The following EPHB1 variants were observed in gnomAD, a reference collection of about 807,000 sequenced individuals.
EPHB1 encodes ephrin type-B receptor 1.
Under a neutral mutation model 94.4 loss-of-function variants are expected in EPHB1, and 30 were observed. The ratio of observed to expected loss-of-function variants is 0.32; its 90% CI spans 0.24 to 0.43. The LOEUF is 0.43. Among genes scored for constraint, EPHB1 ranks in the 20% least tolerant of loss-of-function variants. The pLI, the probability that EPHB1 is intolerant of heterozygous loss-of-function variation, is 1.00. For synonymous variants in EPHB1, 522 were observed against 489.1 expected (o/e 1.07, Z -0.89); for missense variants, 1,055 against 1,308.3 (o/e 0.81, Z 2.99).
chr3:135,205,716 CT>C (rs980760817), intron 12 of EPHB1, among the ~76,000 whole-genome samples: 1 of 152,136 alleles, frequency 6.6e-6, no homozygotes, highest in Non-Finnish European at 1.5e-5. Context: ...GGTACATTTG[CT>C]TTATCATGTA....
chr3:134,885,638 G>C (rs534210039), intron 1 of EPHB1, among the ~76,000 whole-genome samples: 3 of 152,322 alleles, frequency 2.0e-5, no homozygotes, highest in African/African-American at 7.2e-5. Flanking sequence ...GAGTTTTGTG[G>C]AACATAATTG....
intron 2 of EPHB1, among the ~76,000 whole-genome samples, chr3:134,934,566 G>A (rs1407165186): frequency 2.6e-5 from 4 of 152,292 alleles, no homozygotes; most frequent in African/African-American, 9.6e-5. Flanking sequence ...GTTTTTATGG[G>A]CATGTGTATG....
chr3:135,187,934 C>T (rs1375447589), intron 10 of EPHB1, among the ~76,000 whole-genome samples: 1 of 152,194 alleles, frequency 6.6e-6, no homozygotes, highest in Non-Finnish European at 1.5e-5. Context: ...CATGGTGGCT[C>T]ATGCCTGTAA....
intron 3 of EPHB1, among the ~76,000 whole-genome samples, chr3:134,999,887 T>C (rs1163534327): frequency 1.3e-5 from 2 of 152,226 alleles, no homozygotes; most frequent in Non-Finnish European, 2.9e-5. Flanking sequence ...AGGATCTCCC[T>C]TGGACCAAGG....
chr3:135,004,026 G>A lies in EPHB1; in HGVS notation c.805+51974G>A, dbSNP rs570314939. Among the ~76,000 whole-genome samples the A allele has an allele frequency of 5.0e-4, 75 of 151,432 alleles. 1 individual carries two copies. Among genetic ancestry groups the A allele is most frequent in the Admixed American group, 2.3e-3 (35 of 15,204 alleles). The stretch of plus-strand genomic sequence containing the variant: ...ATGATGTTAGCTGGTTATTTTGCTT[G>A]TTAGTTGATGTAGTTTCTTCCTAGT... On this transcript the variant is annotated intron_variant, in intron 3 of 15. Transcript: ENST00000398015.
intron 3 of EPHB1, among the ~76,000 whole-genome samples, chr3:134,980,731 A>T (rs1267372002): frequency 1.3e-5 from 2 of 152,152 alleles, no homozygotes; most frequent in Non-Finnish European, 2.9e-5. Flanking sequence ...GCTGAGGATA[A>T]ATACTCAAGG....
intron 1 of EPHB1, among the ~76,000 whole-genome samples, chr3:134,859,242 C>T (rs1392875084): frequency 6.6e-6 from 1 of 152,148 alleles, no homozygotes; most frequent in Non-Finnish European, 1.5e-5. Context: ...AATTGCACCT[C>T]CTTCGATCTC....
chr3:134,897,565 C>T (rs2038112390), intron 1 of EPHB1, among the ~76,000 whole-genome samples: 1 of 152,218 alleles, frequency 6.6e-6, no homozygotes, highest in African/African-American at 2.4e-5. Flanking sequence ...ACAGCTCATC[C>T]ACAACTCAAG....
intron 1 of EPHB1, among the ~76,000 whole-genome samples, chr3:134,890,528 T>C (rs75824738): frequency 0.063 from 9,572 of 152,316 alleles, 338 homozygotes; most frequent in South Asian, 0.15. Flanking sequence ...CTTGGCTGTC[T>C]TGGGCATATT....
At chr3:134,860,762 G>A (rs915837866) in intron 1 of EPHB1, among the ~76,000 whole-genome samples, 10 of 93,004 alleles carry the variant, frequency 1.1e-4, no homozygotes, top group African/African-American at 1.7e-4. Context: ...GCAGTGAGCC[G>A]AGATTGTGCC....
intron 6 of EPHB1, among the ~76,000 whole-genome samples, chr3:135,157,628 C>T (rs1941392530): frequency 6.6e-6 from 1 of 152,224 alleles, no homozygotes; most frequent in Non-Finnish European, 1.5e-5. Flanking sequence ...AGAGAAGGTT[C>T]TTTGGGCAAA....
chr3:135,244,216 C>T (rs1943864920), intron 13 of EPHB1, among the ~76,000 whole-genome samples: 1 of 152,158 alleles, frequency 6.6e-6, no homozygotes, highest in Admixed American at 6.5e-5. Flanking sequence ...AAAGGCAACC[C>T]CTCACCACAC....
intron 1 of EPHB1, among the ~76,000 whole-genome samples, chr3:134,835,850 A>G (rs965626268): frequency 5.3e-5 from 8 of 152,188 alleles, no homozygotes; most frequent in African/African-American, 1.7e-4. Flanking sequence ...TTCCTTCACC[A>G]GTACCCCAGG....
intron 12 of EPHB1, among the ~76,000 whole-genome samples, chr3:135,223,519 T>G (rs914977013): frequency 2.0e-5 from 3 of 152,150 alleles, no homozygotes; most frequent in African/African-American, 4.8e-5. Context: ...TAGAAGAGAG[T>G]TTACAAACCA....
At chr3:135,057,547 T>G (rs558216537) in intron 3 of EPHB1, among the ~76,000 whole-genome samples, 16 of 152,230 alleles carry the variant, frequency 1.1e-4, no homozygotes, top group African/African-American at 3.1e-4. Flanking sequence ...CTCTATAGAG[T>G]CAGGCAGTCT....
Position 135,166,938 on chromosome 3 carries a change from A to G in EPHB1, c.1695-4A>G, listed in dbSNP as rs764569703. 1.9e-6 allele frequency: 3 copies of G among 1,613,870 alleles called. No individual in the cohort carries two copies. The highest frequency in any genetic ancestry group is 3.3e-5 in the Admixed American group (2 of 59,976). ...GCTGAGAGAGCCCCTCTTTTTATCC[A>G]CAGGAAACGGGCTTATAGCAAAGAG... On this transcript the variant is annotated splice_polypyrimidine_tract_variant and splice_region_variant and intron_variant, in intron 8 of 15. Coordinates refer to ENST00000398015, the MANE Select transcript of EPHB1 (RefSeq NM_004441.5).
chr3:134,844,838 CT>C (rs1409946037), intron 1 of EPHB1, among the ~76,000 whole-genome samples: 5 of 152,128 alleles, frequency 3.3e-5, no homozygotes, highest in Admixed American at 3.3e-4. Flanking sequence ...GAGAGTTTGC[CT>C]GCCTCCTCCC....
intron 1 of EPHB1, among the ~76,000 whole-genome samples, chr3:134,858,242 C>A (rs1281674334): frequency 3.9e-5 from 6 of 152,080 alleles, no homozygotes; most frequent in Admixed American, 6.5e-5. Flanking sequence ...GTGATATGCA[C>A]TCCTTGCTTG....
intron 1 of EPHB1, among the ~76,000 whole-genome samples, chr3:134,883,572 A>G (rs2037805048): frequency 6.6e-6 from 1 of 152,224 alleles, no homozygotes; most frequent in Non-Finnish European, 1.5e-5. Flanking sequence ...CAGAAAGTTT[A>G]AGTGATTTAA....
Sources: gnomAD v4.1 joint callset for allele counts (sites outside exome capture counted in the v4.1 genomes callset) on GRCh38, gnomAD v4.1.1 for gene constraint, MANE v1.5 for transcripts, NCBI Gene and HGNC (gene_info 2026-07-23, HGNC 2026-07-21) for gene names.